The following WASHC4 variants were observed in gnomAD, a reference collection of about 807,000 sequenced individuals.
WASHC4 encodes the protein WASH complex subunit 7.
WASHC4 carries 86 observed loss-of-function variants against 166.6 expected under a neutral mutation model. That is an observed-to-expected ratio of 0.52 (90% confidence interval 0.43 to 0.62). The LOEUF (loss-of-function observed/expected upper bound fraction) is 0.62, where lower values mean the gene tolerates loss of function less well. WASHC4 is among the 20% of genes least tolerant of loss of function. The pLI, the probability that WASHC4 is intolerant of heterozygous loss-of-function variation, is 0.00. For missense variants in WASHC4, 1,262 were observed against 1,382.4 expected, an observed-to-expected ratio of 0.91 and a Z score of 1.38; for synonymous variants, 446 against 451.6, an observed-to-expected ratio of 0.99 and a Z score of 0.16.
chr12:105,144,322 A>T lies in WASHC4; in HGVS notation c.2046A>T (p.Lys682Asn), dbSNP rs1883113600. The change falls in exon 21 of 33, where the codon AAA (lysine) becomes AAT (asparagine). Residue 682 changes from lysine to asparagine, a missense_variant. Transcript: ENST00000332180. ...ACAAATTATGCAAAGAAATAGAGAAAGATCTGCGACTTTCTGTGCATACTC... is the reference window on the plus strand; with the variant it reads ...ACAAATTATGCAAAGAAATAGAGAATGATCTGCGACTTTCTGTGCATACTC... The part of the protein sequence containing the change: ...LLDKLCKEIE[K>N]DLRLSVHTHL... 1 of 1,612,978 alleles carries T rather than the reference A, an allele frequency of 6.2e-7. No individual in the cohort carries two copies. The highest frequency in any genetic ancestry group is 1.3e-5 in the African/African-American group (1 of 74,870).
intron 26 of WASHC4, among the ~76,000 whole-genome samples, chr12:105,154,635 G>T (rs1009484181): frequency 1.3e-5 from 2 of 152,124 alleles, no homozygotes; most frequent in African/African-American, 4.8e-5. Flanking sequence ...TGATATTTAT[G>T]ACAGTAAACA....
chr12:105,120,436 A>G, intron 7 of WASHC4, 119 bp from the exon 8 acceptor site: 2 of 663,242 alleles, frequency 3.0e-6, no homozygotes, highest in Non-Finnish European at 5.5e-6. Flanking sequence ...AAATAACTAG[A>G]GCCTTAATAA....
intron 29 of WASHC4, among the ~76,000 whole-genome samples, chr12:105,160,864 G>A (rs1436148101): frequency 6.6e-6 from 1 of 152,130 alleles, no homozygotes; most frequent in Non-Finnish European, 1.5e-5. Context: ...CTATTCAGTA[G>A]TAAATACTAA....
At chr12:105,155,662 G>A (rs1221295031) in intron 26 of WASHC4, among the ~76,000 whole-genome samples, 1 of 151,710 alleles carries the variant, frequency 6.6e-6, no homozygotes, top group Non-Finnish European at 1.5e-5. Context: ...CCAACATGGT[G>A]AAACCCCATC....
In WASHC4 at chr12:105,139,425, G is replaced by GTGTATATATATA; in HGVS notation, c.1453-868_1453-867insGTATATATATAT. On this transcript the variant is annotated intron_variant, in intron 15 of 32. Coordinates refer to ENST00000332180, the MANE Select transcript of WASHC4 (RefSeq NM_015275.3). Reference sequence around the variant, plus strand: ...AGACAGACTATATATATGTGTGTGTGTATATATATATATATATATATATAT... The same window carrying GTGTATATATATA: ...AGACAGACTATATATATGTGTGTGTGTGTATATATATATATATATATATATATATATATATAT... Among the ~76,000 whole-genome samples the GTGTATATATATA allele has an allele frequency of 4.9e-3, 505 of 103,158 alleles. 1 individual carries two copies. The highest frequency in any genetic ancestry group is 6.5e-3 in the Middle Eastern group (1 of 154). The allele number at this position is 103,158 out of a possible 152,430, so 67.7% of individuals were successfully genotyped here. A position where few individuals can be genotyped will look rare whatever the true frequency, so the allele number is the denominator to read the frequency against.
intron 5 of WASHC4, 142 bp from the exon 6 acceptor site, chr12:105,115,519 C>G (rs1241169314): frequency 1.6e-5 from 11 of 673,900 alleles, no homozygotes; most frequent in Non-Finnish European, 5.3e-6. Context: ...TGATTTTTCT[C>G]TTTGGTGTAA....
intron 29 of WASHC4, among the ~76,000 whole-genome samples, chr12:105,161,795 A>G (rs1212954004): frequency 6.6e-6 from 1 of 152,198 alleles, no homozygotes; most frequent in Non-Finnish European, 1.5e-5. Flanking sequence ...CTATTATAGT[A>G]CTTAGCACAC....
At chr12:105,156,824 T>C in intron 27 of WASHC4, 32 bp downstream of exon 27, 1 of 1,515,578 alleles carries the variant, frequency 6.6e-7, no homozygotes, top group Non-Finnish European at 9.2e-7. Flanking sequence ...TTGCCTTGTT[T>C]ATGCCATTTT....
chr12:105,118,253 C>T (rs991541881), intron 6 of WASHC4, among the ~76,000 whole-genome samples, 193 bp from the exon 7 acceptor site: 4 of 152,274 alleles, frequency 2.6e-5, no homozygotes, highest in Non-Finnish European at 4.4e-5. Flanking sequence ...GAGATAGGAA[C>T]GACCCTGGAG....
At chr12:105,162,368 T>C (rs1416609834) in intron 29 of WASHC4, among the ~76,000 whole-genome samples, 1 of 152,266 alleles carries the variant, frequency 6.6e-6, no homozygotes, top group Non-Finnish European at 1.5e-5. Flanking sequence ...AGGCCTACTT[T>C]GCTAACTCCA....
chr12:105,132,994 A>G (rs796536180), intron 13 of WASHC4, among the ~76,000 whole-genome samples: 18 of 151,960 alleles, frequency 1.2e-4, no homozygotes, highest in African/African-American at 4.1e-4. Context: ...TGCTTTTACC[A>G]TTGCCTCCTC....
chr12:105,144,195 T>A, intron 20 of WASHC4, 92 bp from the exon 21 acceptor site: 9 of 1,068,330 alleles, frequency 8.4e-6, no homozygotes, highest in Non-Finnish European at 1.1e-5. Flanking sequence ...ACCAAAAAAC[T>A]ATTGGTTTAA....
At chr12:105,162,920 G>T in intron 30 of WASHC4, 75 bp downstream of exon 30, 1 of 760,176 alleles carries the variant, frequency 1.3e-6, no homozygotes, top group Non-Finnish European at 2.2e-6. Flanking sequence ...ATCTGCTTGA[G>T]AATAGGTCTA....
At position 105,115,871 on chromosome 12, in the gene WASHC4, T is replaced by TAGG. The variant is rs1880133870; in HGVS notation, c.435+146_435+148dup. 3 of 651,596 alleles carry TAGG rather than the reference T, an allele frequency of 4.6e-6. No individual in the cohort carries two copies. In the Admixed American group the frequency reaches 7.6e-5, roughly 17 times the overall value. The allele number at this position is 651,596 out of a possible 1,614,324, so 40.4% of individuals were successfully genotyped here. A position where few individuals can be genotyped will look rare whatever the true frequency, so the allele number is the denominator to read the frequency against. On this transcript the variant is annotated intron_variant, in intron 6 of 32. Transcript: ENST00000332180. ...ACTTAATTAGCATTGGATTATAGTT[T>TAGG]AGGAGATCATAACTCCTAAAAGATT...
chr12:105,142,486 C>G lies in WASHC4; in HGVS notation c.1821C>G (p.Tyr607Ter), dbSNP rs773112997. Residue 607 changes from tyrosine (Y) to a stop codon, truncating the protein, a stop_gained, in exon 19 of 33, where the codon TAC (tyrosine) becomes TAG (stop). Coordinates refer to ENST00000332180, the MANE Select transcript of WASHC4 (RefSeq NM_015275.3). LOFTEE classifies it high-confidence loss of function. ...VQTQCDCCFL[Y>*]WHRAVFPIYL... The stretch of plus-strand genomic sequence containing the variant: ...CACAATGTGACTGTTGTTTTTTATA[C>G]TGGCATCGAGCTGTCTTCCCAATTT... The G allele has an allele frequency of 1.2e-6, 2 of 1,610,272 alleles. No homozygotes were observed. The highest frequency in any genetic ancestry group is 1.7e-6 in the Non-Finnish European group (2 of 1,177,268).
rs17036694 is a variant in WASHC4 at position 105,167,451 on chromosome 12, T to C, written c.*520T>C. 0.017 allele frequency: 2,646 copies of C among 159,058 alleles called. 77 individuals carry two copies. The highest frequency in any genetic ancestry group is 0.06 in the African/African-American group (2,495 of 41,620). 9.9% of individuals were successfully genotyped at this position (159,058 alleles called of 1,614,324 possible). A position where few individuals can be genotyped will look rare whatever the true frequency, so the allele number is the denominator to read the frequency against. ...TACTAGAGGTGAGGCACAAGTGTTTTATGTACTCTCAGTGTACAGTATAAC... is the reference window on the plus strand; with the variant it reads ...TACTAGAGGTGAGGCACAAGTGTTTCATGTACTCTCAGTGTACAGTATAAC... On this transcript the variant is annotated 3_prime_UTR_variant, in exon 33 of 33. Transcript: ENST00000332180.
intron 24 of WASHC4, chr12:105,148,416 A>C: frequency 2.0e-6 from 2 of 985,410 alleles, no homozygotes; most frequent in Non-Finnish European, 2.4e-6. Context: ...CTAGTGTGAG[A>C]AAAACACATT....
At chr12:105,126,498 A>G (rs150337572) in intron 12 of WASHC4, 136 bp downstream of exon 12, 55 of 672,066 alleles carry the variant, frequency 8.2e-5, no homozygotes, top group Non-Finnish European at 1.2e-4. Context: ...CAAGTATTCC[A>G]GAAATAAGTA....
intron 8 of WASHC4, 44 bp downstream of exon 8, chr12:105,120,641 ATATTT>A (rs1880645072): frequency 1.5e-6 from 2 of 1,374,924 alleles, no homozygotes; most frequent in Admixed American, 1.7e-5. Flanking sequence ...AATTATTACT[ATATTT>A]TACTTTGGAG....
Sources: gnomAD v4.1 joint callset for allele counts (sites outside exome capture counted in the v4.1 genomes callset) on GRCh38, gnomAD v4.1.1 for gene constraint, MANE v1.5 for transcripts, NCBI Gene and HGNC (gene_info 2026-07-23, HGNC 2026-07-21) for gene names.